NTRK1: variants seen among roughly 807,000 people sequenced by gnomAD.
NTRK1 encodes the protein high affinity nerve growth factor receptor.
Under a neutral mutation model 86.8 loss-of-function variants are expected in NTRK1, and 62 were observed. That is an observed-to-expected ratio of 0.71 (90% CI 0.58 to 0.88). The LOEUF (loss-of-function observed/expected upper bound fraction) is 0.88, where lower values mean the gene tolerates loss of function less well. Ranked by LOEUF, NTRK1 falls within the 40% of genes least tolerant of loss-of-function variation. NTRK1 has a pLI of 0.00. For synonymous variants in NTRK1, 469 were observed against 456.6 expected (o/e 1.03, Z -0.35); for missense variants, 967 against 1,078.4 (o/e 0.90, Z 1.45).
At chr1:156,853,448 C>T (rs1655297643) in intron 2 of NTRK1, among the ~76,000 whole-genome samples, 1 of 152,198 alleles carries the variant, frequency 6.6e-6, no homozygotes, top group African/African-American at 2.4e-5. Context: ...TTAGCCACTG[C>T]CCCACACTGC....
rs1647552601 is a variant in NTRK1 at position 156,871,559 on chromosome 1, CTT to C, written c.718-63_718-62del. On this transcript the variant is annotated intron_variant, in intron 6 of 16. Transcript: ENST00000524377. ...TGGAGCCAGAGGGGCTCTCCAAAGACTTCAGCCCCAGCCCCAAGCTGGCTAAA... is the reference window on the plus strand; with the variant it reads ...TGGAGCCAGAGGGGCTCTCCAAAGACCAGCCCCAGCCCCAAGCTGGCTAAA... 14 of 1,596,658 alleles carry C rather than the reference CTT, an allele frequency of 8.8e-6. No homozygotes were observed. The South Asian group carries it at 1.6e-4, about 18-fold the overall frequency.
chr1:156,851,533 G>A, intron 2 of NTRK1: 2 of 1,600,210 alleles, frequency 1.2e-6, no homozygotes, highest in Non-Finnish European at 1.7e-6. Flanking sequence ...GGGCCCTCAG[G>A]ACTGGGACCC....
intron 2 of NTRK1, chr1:156,848,831 C>T: frequency 6.2e-6 from 9 of 1,460,572 alleles, no homozygotes; most frequent in East Asian, 2.5e-5. Context: ...TTCATAGCCT[C>T]GCTGAGCTCC....
rs756629318 is a variant in NTRK1 at position 156,879,114 on chromosome 1, G to T, written c.1806-8G>T. 3 of 1,611,898 alleles carry T rather than the reference G, an allele frequency of 1.9e-6. No individual in the cohort carries two copies. Among genetic ancestry groups the T allele is most frequent in the South Asian group, 1.1e-5 (1 of 90,860 alleles). ...CCAGCCTATCCCCTCTCCTTTTCTT[G>T]TTCACAGATCCCATGGACCTGATGC... is the stretch of plus-strand genomic sequence containing the variant. On this transcript the variant is annotated splice_region_variant and splice_polypyrimidine_tract_variant and intron_variant, in intron 14 of 16. Transcript: ENST00000524377.
Position 156,846,909 on chromosome 1 carries a change from G to T in NTRK1, c.50+4716G>T, listed in dbSNP as rs529632527. 4 of 648,108 alleles carry T rather than the reference G, an allele frequency of 6.2e-6. No homozygotes were observed. In the East Asian group the frequency reaches 8.2e-5, roughly 13 times the overall value. 40.1% of individuals were successfully genotyped at this position (648,108 alleles called of 1,614,324 possible). On this transcript the variant is annotated intron_variant, in intron 2 of 16. Transcript: ENST00000392302. ...AGCCACCTGTTAGACCTTGGCAAGG[G>T]GGGGCGGAGGAGGGGAGGGACTGTG...
At chr1:156,844,581 A>G (rs1396611171) in intron 2 of NTRK1, 2 of 1,614,192 alleles carry the variant, frequency 1.2e-6, no homozygotes, top group South Asian at 1.1e-5. Context: ...GACTCCCCCA[A>G]ACTTCGCATA....
chr1:156,840,954 G>T (rs763303444), intron 1 of NTRK1: 3 of 1,614,030 alleles, frequency 1.9e-6, no homozygotes, highest in Non-Finnish European at 2.5e-6. Flanking sequence ...TGGTAGGCAG[G>T]GAGCCCCGGG....
intron 5 of NTRK1, 127 bp from the exon 6 acceptor site, chr1:156,868,378 C>A (rs559328307): frequency 1.1e-5 from 17 of 1,534,722 alleles, no homozygotes; most frequent in Non-Finnish European, 1.5e-5. Context: ...GGGGAAACTG[C>A]CTGGGGTGAC....
At chr1:156,843,918 A>T (rs1035776067) in intron 2 of NTRK1, among the ~76,000 whole-genome samples, 3 of 152,230 alleles carry the variant, frequency 2.0e-5, no homozygotes, top group African/African-American at 7.2e-5. Context: ...GGTGACCAAC[A>T]ATCCCAGTGT....
At chr1:156,833,784 G>C (rs1455071113) in intron 1 of NTRK1, among the ~76,000 whole-genome samples, 1 of 152,212 alleles carries the variant, frequency 6.6e-6, no homozygotes, top group Non-Finnish European at 1.5e-5. Flanking sequence ...CCAGTAGCAG[G>C]TGCTGCAGGG....
At chr1:156,877,114 G>A (rs1255660679) in intron 14 of NTRK1, among the ~76,000 whole-genome samples, 1 of 152,156 alleles carries the variant, frequency 6.6e-6, no homozygotes, top group African/African-American at 2.4e-5. Flanking sequence ...TCAAATTCCT[G>A]GGCTCAAGCA....
rs146825319 is a variant in NTRK1 at position 156,843,208 on chromosome 1, C to A, written c.50+1015C>A. 6.2e-6 allele frequency: 10 copies of A among 1,614,126 alleles called. No individual in the cohort carries two copies. In the East Asian group the frequency reaches 2.0e-4, roughly 32 times the overall value. ...GGATTATCGAGATCTGCTCCCGAGG[C>A]ACCTCCCATTCATCAGGGACATACA... On this transcript the variant is annotated intron_variant, in intron 2 of 16. Coordinates refer to the NTRK1 transcript ENST00000392302.
chr1:156,869,226 C>T (rs1393636493), intron 6 of NTRK1, among the ~76,000 whole-genome samples: 3 of 152,038 alleles, frequency 2.0e-5, no homozygotes, highest in Non-Finnish European at 4.4e-5. Context: ...AGTACAGGCA[C>T]GCGCCACCAT....
At chr1:156,867,759 C>T (rs1410472727) in intron 4 of NTRK1, among the ~76,000 whole-genome samples, 10 of 151,904 alleles carry the variant, frequency 6.6e-5, no homozygotes, top group Non-Finnish European at 1.2e-4. Flanking sequence ...CTGCAAGCTC[C>T]GCCTCCTGGG....
intron 2 of NTRK1, chr1:156,843,629 T>G: frequency 6.3e-6 from 5 of 788,384 alleles, no homozygotes; most frequent in Non-Finnish European, 1.1e-5. Flanking sequence ...GATCCCTAAG[T>G]ACCCTCCAAG....
chr1:156,860,824 TG>T, upstream of NTRK1: 1 of 1,341,546 alleles, frequency 7.5e-7, no homozygotes, highest in African/African-American at 1.5e-5. Flanking sequence ...CGCCCTTTCC[TG>T]GCGGCTGGGT....
At chr1:156,842,311 A>T (rs745962645) in intron 2 of NTRK1, 1 of 1,613,544 alleles carries the variant, frequency 6.2e-7, no homozygotes, top group East Asian at 2.2e-5. Context: ...AGGAACCCAG[A>T]GGCTGGTCTC....
intron 1 of NTRK1, among the ~76,000 whole-genome samples, chr1:156,861,907 C>G (rs1655668411): frequency 6.6e-6 from 1 of 152,224 alleles, no homozygotes; most frequent in Admixed American, 6.5e-5. Flanking sequence ...GAATTGGTTA[C>G]AAAATACTCA....
At chr1:156,863,464 T>TCC (rs1222195170) in intron 1 of NTRK1, among the ~76,000 whole-genome samples, 1 of 152,050 alleles carries the variant, frequency 6.6e-6, no homozygotes, top group East Asian at 1.9e-4. Flanking sequence ...GTGCCTCTTC[T>TCC]CCCCTCCTCG....
Sources: allele counts gnomAD v4.1 joint callset (sites outside exome capture counted in the v4.1 genomes callset), GRCh38; gene constraint gnomAD v4.1.1; transcripts MANE v1.5; gene names NCBI Gene and HGNC (gene_info 2026-07-23, HGNC 2026-07-21).